Variants in CMTM5 observed in about 807,000 individuals in gnomAD.
The protein encoded by CMTM5 is CKLF-like MARVEL transmembrane domain-containing protein 5.
In CMTM5, 25 loss-of-function variants were observed where a neutral mutation model predicts 26.9. The observed-to-expected ratio is 0.93, with a 90% confidence interval of 0.68 to 1.30. The LOEUF is 1.30. Ranked by LOEUF, CMTM5 falls within the 50% of genes most tolerant of loss-of-function variation. The pLI is 0.00. For synonymous variants in CMTM5, 98 were observed against 115.5 expected, an observed-to-expected ratio of 0.85 and a Z score of 0.97; for missense variants, 292 against 289.6, an observed-to-expected ratio of 1.01 and a Z score of -0.06.
Position 23,378,240 on chromosome 14 carries a change from G to T in CMTM5, c.127-109G>T. Reference sequence around the variant, plus strand: ...TGCCAGAGTCCTTCCTCCCCTCCAAGGACAGGTAGTAGGTGCCAGCCTAGG... The same window carrying T: ...TGCCAGAGTCCTTCCTCCCCTCCAATGACAGGTAGTAGGTGCCAGCCTAGG... On this transcript the variant is annotated intron_variant, in intron 1 of 5. Coordinates refer to ENST00000339180, the MANE Select transcript of CMTM5 (RefSeq NM_001288746.2). The surrounding 1 kb of genome is among the most constrained non-coding windows in gnomAD (Gnocchi z 4.2). 1 of 1,196,688 alleles carries T rather than the reference G, an allele frequency of 8.4e-7. No homozygotes were observed. The allele number at this position is 1,196,688 out of a possible 1,614,324, so 74.1% of individuals were successfully genotyped here. A position where few individuals can be genotyped will look rare whatever the true frequency, so the allele number is the denominator to read the frequency against.
rs374812065 is a variant in CMTM5, at chr14:23,378,546, C to T, written c.279+45C>T. 672 of 1,612,422 alleles carry T rather than the reference C, an allele frequency of 4.2e-4. 1 individual carries two copies. The highest frequency in any genetic ancestry group is 1.8e-3 in the Middle Eastern group (11 of 6,054). On this transcript the variant is annotated intron_variant, in intron 2 of 5. Coordinates refer to ENST00000339180, the MANE Select transcript of CMTM5 (RefSeq NM_001288746.2). The surrounding 1 kb of genome is among the most constrained non-coding windows in gnomAD (Gnocchi z 4.2). ...AGCCCAGTTTGGGGCCCTTCCCTCT[C>T]CTCTAAATGATGCATTTTCCTTTCC...
Position 23,379,475 on chromosome 14 carries a change from G to T in CMTM5, c.660G>T (p.Gly220=). ...CCCTACCTGGCTCTATCCTCACAGG[G>T]GACCAGCAGTGACTCTGGGGCTACC... is the stretch of plus-strand genomic sequence containing the variant. The part of the protein sequence containing the change: ...RTEMAPGASQ[G]DQQ The change falls in exon 6 of 6, where the codon GGG becomes GGT. Residue 220 remains glycine, a splice_region_variant and synonymous_variant. Transcript: ENST00000339180. 6.2e-7 allele frequency: 1 copy of T among 1,613,950 alleles called. No homozygotes were observed. Among genetic ancestry groups the T allele is most frequent in the Non-Finnish European group, 8.5e-7 (1 of 1,180,014 alleles).
chr14:23,377,797 C>T lies in CMTM5; in HGVS notation c.126+420C>T, dbSNP rs992954103. On this transcript the variant is annotated intron_variant, in intron 1 of 5. Transcript: ENST00000339180. This position sits in a 1 kb window ranked among gnomAD's most constrained non-coding sequence, Gnocchi z 4.6. ...CATCTCTTCTCAGGAAAGGATCTTC[C>T]CCTGGTTACTTAGCAAGACCACAGT... 1 of 183,406 alleles carries T rather than the reference C, an allele frequency of 5.5e-6. No homozygotes were observed. The highest frequency in any genetic ancestry group is 2.4e-5 in the African/African-American group (1 of 42,456). The allele number at this position is 183,406 out of a possible 1,614,324, so 11.4% of individuals were successfully genotyped here. A position where few individuals can be genotyped will look rare whatever the true frequency, so the allele number is the denominator to read the frequency against.
In CMTM5 at chr14:23,377,948, G is replaced by A; in HGVS notation, c.127-401G>A. On this transcript the variant is annotated intron_variant, in intron 1 of 5. Coordinates refer to ENST00000339180, the MANE Select transcript of CMTM5 (RefSeq NM_001288746.2). The surrounding 1 kb of genome is among the most constrained non-coding windows in gnomAD (Gnocchi z 4.6). ...ATCAAAGGCTCTGGTCCTTGTCAGG[G>A]GGCTTTCAGGCATCTGGGGGTGGGG... 4.6e-6 allele frequency: 1 copy of A among 216,250 alleles called. No individual in the cohort carries two copies. Among genetic ancestry groups the A allele is most frequent in the South Asian group, 1.0e-4 (1 of 9,902 alleles). 13.4% of individuals were successfully genotyped at this position (216,250 alleles called of 1,614,324 possible).
rs1466662086 is a variant in CMTM5, at chr14:23,379,070, G to A, written c.520G>A (p.Val174Met). Residue 174 changes from valine (V) to methionine (M), a missense_variant, in exon 4 of 6, where the codon GTG becomes ATG. By Grantham distance (21) the Val-to-Met change is conservative. Transcript: ENST00000339180. The part of the protein sequence containing the change: ...RCVSAIIIFL[V>M]VSFAAVTSRD... ...TGTCAGTGCCATCATCATCTTCCTG[G>A]TGGTCTCCTTTGCAGCTGTGACCTC... The A allele has an allele frequency of 6.2e-7, 1 of 1,613,948 alleles. No individual in the cohort carries two copies. Among genetic ancestry groups the A allele is most frequent in the Non-Finnish European group, 8.5e-7 (1 of 1,180,024 alleles).
chr14:23,377,432 C>T lies in CMTM5; in HGVS notation c.126+55C>T. ...CATCTCCCTGACCCCCGGCTCCTGGCCAGCCTTATGCCAGCCCCCAGCTCA... is the reference window on the plus strand; with the variant it reads ...CATCTCCCTGACCCCCGGCTCCTGGTCAGCCTTATGCCAGCCCCCAGCTCA... On this transcript the variant is annotated intron_variant, in intron 1 of 5. Coordinates refer to ENST00000339180, the MANE Select transcript of CMTM5 (RefSeq NM_001288746.2). The surrounding 1 kb of genome is among the most constrained non-coding windows in gnomAD (Gnocchi z 4.6). The T allele has an allele frequency of 6.6e-7, 1 of 1,510,390 alleles. No individual in the cohort carries two copies. The highest frequency in any genetic ancestry group is 2.4e-5 in the East Asian group (1 of 41,702). 93.6% of individuals were successfully genotyped at this position (1,510,390 alleles called of 1,614,324 possible).
Position 23,379,133 on chromosome 14 carries a change from G to C in CMTM5, c.573+10G>C, listed in dbSNP as rs1474038972. ...TGCCATTGCTGCTTTTGTGAGTTCA[G>C]CCCTGCAGGACTCCTTAGCCCCTCA... On this transcript the variant is annotated intron_variant, in intron 4 of 5. Transcript: ENST00000339180. The C allele has an allele frequency of 6.2e-7, 1 of 1,613,196 alleles. No homozygotes were observed. Among genetic ancestry groups the C allele is most frequent in the Non-Finnish European group, 8.5e-7 (1 of 1,179,522 alleles).
chr14:23,377,629 TGAG>T lies in CMTM5; in HGVS notation c.126+255_126+257del, dbSNP rs1313344186. 1.2e-5 allele frequency: 5 copies of T among 413,720 alleles called. No individual in the cohort carries two copies. Among genetic ancestry groups the T allele is most frequent in the Non-Finnish European group, 1.3e-5 (3 of 233,406 alleles). 25.6% of individuals were successfully genotyped at this position (413,720 alleles called of 1,614,324 possible). On this transcript the variant is annotated intron_variant, in intron 1 of 5. Transcript: ENST00000339180. The surrounding 1 kb of genome is among the most constrained non-coding windows in gnomAD (Gnocchi z 4.6). ...TAGACAGGGTGACTTTTTGGGACAT[TGAG>T]GAAGCTTGAGACATAGGGATGGGAC...
In CMTM5 at chr14:23,379,705, GGGAGGGGGGGT is replaced by G; in HGVS notation, c.*226_*236del. ...TGGCCAGAGGAGGGGAACTTATTGG[GGGAGGGGGGGT>G]GGAGGGGAGGAATCTGGACCTCTAA... On this transcript the variant is annotated 3_prime_UTR_variant, in exon 6 of 6. Coordinates refer to ENST00000339180, the MANE Select transcript of CMTM5 (RefSeq NM_001288746.2). The G allele has an allele frequency of 1.0e-5, 11 of 1,082,640 alleles. No individual in the cohort carries two copies. The highest frequency in any genetic ancestry group is 3.1e-5 in the East Asian group (1 of 32,728). The allele number at this position is 1,082,640 out of a possible 1,614,324, so 67.1% of individuals were successfully genotyped here.
Position 23,377,503 on chromosome 14 carries a change from C to G in CMTM5, c.126+126C>G. The G allele has an allele frequency of 9.7e-7, 1 of 1,034,994 alleles. No homozygotes were observed. The highest frequency in any genetic ancestry group is 1.3e-6 in the Non-Finnish European group (1 of 755,420). 64.1% of individuals were successfully genotyped at this position (1,034,994 alleles called of 1,614,324 possible). ...CCAAGCCCTCTGGACACCTCTCCTG[C>G]CCGCAGCTGCCCCTTCTTCGTCTCC... On this transcript the variant is annotated intron_variant, in intron 1 of 5. Transcript: ENST00000339180. The surrounding 1 kb of genome is among the most constrained non-coding windows in gnomAD (Gnocchi z 4.6).
At position 23,379,493 on chromosome 14, in the gene CMTM5, G is replaced by A. The variant is rs1459494094; in HGVS notation, c.*6G>A. 1.2e-6 allele frequency: 2 copies of A among 1,613,648 alleles called. No homozygotes were observed. Among genetic ancestry groups the A allele is most frequent in the Non-Finnish European group, 8.5e-7 (1 of 1,180,016 alleles). ...TCACAGGGGACCAGCAGTGACTCTGGGGCTACCTGGCTCCTAGGCCCAGCC... is the reference window on the plus strand; with the variant it reads ...TCACAGGGGACCAGCAGTGACTCTGAGGCTACCTGGCTCCTAGGCCCAGCC... On this transcript the variant is annotated 3_prime_UTR_variant, in exon 6 of 6. Transcript: ENST00000339180.
chr14:23,379,677 C>A lies in CMTM5; in HGVS notation c.*190C>A. On this transcript the variant is annotated 3_prime_UTR_variant, in exon 6 of 6. Coordinates refer to ENST00000339180, the MANE Select transcript of CMTM5 (RefSeq NM_001288746.2). Reference sequence around the variant, plus strand: ...CTCCAGGATGTGGCTTCTCATGAAGCTCTGGCCAGAGGAGGGGAACTTATT... The same window carrying A: ...CTCCAGGATGTGGCTTCTCATGAAGATCTGGCCAGAGGAGGGGAACTTATT... The A allele has an allele frequency of 7.6e-7, 1 of 1,323,926 alleles. No individual in the cohort carries two copies. Among genetic ancestry groups the A allele is most frequent in the Non-Finnish European group, 9.9e-7 (1 of 1,007,756 alleles). The allele number at this position is 1,323,926 out of a possible 1,614,324, so 82.0% of individuals were successfully genotyped here.
At position 23,377,468 on chromosome 14, in the gene CMTM5, GCCT is replaced by G; in HGVS notation, c.126+95_126+97del. 7.0e-7 allele frequency: 1 copy of G among 1,428,120 alleles called. No individual in the cohort carries two copies. Among genetic ancestry groups the G allele is most frequent in the Non-Finnish European group, 9.3e-7 (1 of 1,079,672 alleles). 88.5% of individuals were successfully genotyped at this position (1,428,120 alleles called of 1,614,324 possible). The stretch of plus-strand genomic sequence containing the variant: ...CCAGCCCCCAGCTCACCCTTCAGTA[GCCT>G]CCTTCCCCAAGCCCTCTGGACACCT... On this transcript the variant is annotated intron_variant, in intron 1 of 5. Transcript: ENST00000339180. This position sits in a 1 kb window ranked among gnomAD's most constrained non-coding sequence, Gnocchi z 4.6.
Position 23,379,633 on chromosome 14 carries a change from T to C in CMTM5, c.*146T>C. On this transcript the variant is annotated 3_prime_UTR_variant, in exon 6 of 6. Transcript: ENST00000339180. ...TCTGGCCTGAGACGTCACTGGGGAC[T>C]TATCTGTGGAGCCTGGTGCTCCAGG... 11 of 1,499,640 alleles carry C rather than the reference T, an allele frequency of 7.3e-6. No individual in the cohort carries two copies. In the South Asian group the frequency reaches 1.3e-4, roughly 17 times the overall value. The allele number at this position is 1,499,640 out of a possible 1,614,324, so 92.9% of individuals were successfully genotyped here.
chr14:23,377,127 C>G lies in CMTM5; in HGVS notation c.-125C>G, dbSNP rs1890592437. Reference sequence around the variant, plus strand: ...CTCCCGGGGCCCTGTGGGCAAGCCTCCTGCTTCACTTTCAGGTTTCTCGAA... The same window carrying G: ...CTCCCGGGGCCCTGTGGGCAAGCCTGCTGCTTCACTTTCAGGTTTCTCGAA... On this transcript the variant is annotated 5_prime_UTR_variant, in exon 1 of 6. Transcript: ENST00000339180. This position sits in a 1 kb window ranked among gnomAD's most constrained non-coding sequence, Gnocchi z 4.6. The G allele has an allele frequency of 7.3e-7, 1 of 1,362,370 alleles. No homozygotes were observed. Among genetic ancestry groups the G allele is most frequent in the East Asian group, 2.4e-5 (1 of 41,908 alleles). 84.4% of individuals were successfully genotyped at this position (1,362,370 alleles called of 1,614,324 possible).
chr14:23,378,507 G>A lies in CMTM5; in HGVS notation c.279+6G>A. The A allele has an allele frequency of 6.2e-7, 1 of 1,614,086 alleles. No individual in the cohort carries two copies. The highest frequency in any genetic ancestry group is 8.5e-7 in the Non-Finnish European group (1 of 1,180,000). ...GAATTAACTGGCCCTGTCTGGTGAG[G>A]AACCCTGACCCCTAGCCCAGTTTGG... On this transcript the variant is annotated splice_donor_region_variant and intron_variant, in intron 2 of 5. Coordinates refer to ENST00000339180, the MANE Select transcript of CMTM5 (RefSeq NM_001288746.2). This position sits in a 1 kb window ranked among gnomAD's most constrained non-coding sequence, Gnocchi z 4.2.
chr14:23,377,083 C>A lies in CMTM5; in HGVS notation c.-169C>A. Reference sequence around the variant, plus strand: ...TGGGTGAGGGCCCATCTGGGCAAGGCCCCCAGCGCCTGCCTTCTCTCCCGG... The same window carrying A: ...TGGGTGAGGGCCCATCTGGGCAAGGACCCCAGCGCCTGCCTTCTCTCCCGG... On this transcript the variant is annotated 5_prime_UTR_variant, in exon 1 of 6. Coordinates refer to ENST00000339180, the MANE Select transcript of CMTM5 (RefSeq NM_001288746.2). This position sits in a 1 kb window ranked among gnomAD's most constrained non-coding sequence, Gnocchi z 4.6. 2 of 869,638 alleles carry A rather than the reference C, an allele frequency of 2.3e-6. No homozygotes were observed. The highest frequency in any genetic ancestry group is 3.5e-6 in the Non-Finnish European group (2 of 577,110). 53.9% of individuals were successfully genotyped at this position (869,638 alleles called of 1,614,324 possible).
rs1174119212 is a variant in CMTM5, at chr14:23,378,056, A to G, written c.127-293A>G. The G allele has an allele frequency of 2.3e-6, 1 of 437,602 alleles. No homozygotes were observed. The highest frequency in any genetic ancestry group is 4.1e-6 in the Non-Finnish European group (1 of 243,220). 27.1% of individuals were successfully genotyped at this position (437,602 alleles called of 1,614,324 possible). The stretch of plus-strand genomic sequence containing the variant: ...CACAACTCCAGGGGCTGGCATTCAC[A>G]CTGTACCTATGAATTACTGTGGGAT... On this transcript the variant is annotated intron_variant, in intron 1 of 5. Transcript: ENST00000339180. This position sits in a 1 kb window ranked among gnomAD's most constrained non-coding sequence, Gnocchi z 4.2.
Position 23,379,017 on chromosome 14 carries a change from C to T in CMTM5, c.481-14C>T, listed in dbSNP as rs201846491. 4 of 1,613,752 alleles carry T rather than the reference C, an allele frequency of 2.5e-6. No individual in the cohort carries two copies. The highest frequency in any genetic ancestry group is 2.2e-5 in the East Asian group (1 of 44,898). Reference sequence around the variant, plus strand: ...CTTCTGAGGTCCTGTTAACCCTGCACCCCTGGCCCCCAGGACTTCCTGCGC... The same window carrying T: ...CTTCTGAGGTCCTGTTAACCCTGCATCCCTGGCCCCCAGGACTTCCTGCGC... On this transcript the variant is annotated splice_polypyrimidine_tract_variant and intron_variant, in intron 3 of 5. Coordinates refer to ENST00000339180, the MANE Select transcript of CMTM5 (RefSeq NM_001288746.2).
Sources: allele counts gnomAD v4.1 joint callset, GRCh38; gene constraint gnomAD v4.1.1; non-coding constraint Gnocchi (gnomAD v3.1); transcripts MANE v1.5; gene names NCBI Gene and HGNC (gene_info 2026-07-23, HGNC 2026-07-21).